The following COBLL1 variants were observed in gnomAD, a reference collection of about 807,000 sequenced individuals.
COBLL1 encodes the protein cordon-bleu WH2 repeat protein like 1.
A neutral mutation model predicts 94.8 loss-of-function variants in COBLL1; 50 were observed. The observed-to-expected ratio is 0.53, with a 90% CI of 0.42 to 0.67. The LOEUF (loss-of-function observed/expected upper bound fraction) is 0.67, where lower values mean the gene tolerates loss of function less well. COBLL1 is among the 30% of genes least tolerant of loss of function. The probability of loss-of-function intolerance (pLI) is 0.00; values close to 1 mark genes in which losing one functional copy is unlikely to be tolerated. For synonymous variants in COBLL1, 448 were observed against 473.8 expected, an observed-to-expected ratio of 0.95 and a Z score of 0.71; for missense variants, 1,362 against 1,348.7, an observed-to-expected ratio of 1.01 and a Z score of -0.15.
chr2:164,771,906 T>A (rs1688223614), intron 2 of COBLL1: 1 of 151,428 alleles, frequency 6.6e-6, no homozygotes, highest in African/African-American at 2.4e-5. Flanking sequence ...CAATATTGAA[T>A]GTATAATGAG....
intron 2 of COBLL1, 83 bp from the exon 3 acceptor site, chr2:164,743,958 G>T (rs1686731046): frequency 1.0e-6 from 1 of 988,664 alleles, no homozygotes; most frequent in Non-Finnish European, 1.4e-6. Context: ...TTATAAATAT[G>T]ATCTAGTAGT....
At chr2:164,820,520 C>A (rs1312949930) in intron 2 of COBLL1, among the ~76,000 whole-genome samples, 1 of 152,186 alleles carries the variant, frequency 6.6e-6, no homozygotes, top group African/African-American at 2.4e-5. Flanking sequence ...CGCGCCAGGC[C>A]TGCTGTTAAT....
intron 9 of COBLL1, among the ~76,000 whole-genome samples, chr2:164,702,174 T>C (rs2105448586): frequency 6.6e-6 from 1 of 152,252 alleles, no homozygotes; most frequent in Middle Eastern, 3.4e-3. Context: ...CAAATGTACA[T>C]ATTTTGGCAA....
chr2:164,797,578 T>C (rs544515332), intron 2 of COBLL1, among the ~76,000 whole-genome samples: 2 of 152,172 alleles, frequency 1.3e-5, no homozygotes, highest in Non-Finnish European at 2.9e-5. Context: ...AGTCTAGGCT[T>C]TTTCAATTCC....
intron 11 of COBLL1, 63 bp downstream of exon 11, chr2:164,699,342 A>G: frequency 9.6e-7 from 1 of 1,044,268 alleles, no homozygotes; most frequent in Non-Finnish European, 1.5e-6. Context: ...ATAAAGTGTT[A>G]AGAACTGTCC....
intron 2 of COBLL1, among the ~76,000 whole-genome samples, chr2:164,838,956 G>A (rs992182789): frequency 4.6e-5 from 7 of 152,118 alleles, no homozygotes; most frequent in African/African-American, 1.4e-4. Context: ...GGGTTTTTGA[G>A]AGAGAAGAGA....
intron 2 of COBLL1, among the ~76,000 whole-genome samples, chr2:164,810,753 C>T (rs969248922): frequency 1.3e-5 from 2 of 151,444 alleles, no homozygotes; most frequent in African/African-American, 4.8e-5. Context: ...CTATCCAAAA[C>T]AAAAGTTACT....
At chr2:164,820,501 A>C (rs556098266) in intron 2 of COBLL1, among the ~76,000 whole-genome samples, 1 of 152,292 alleles carries the variant, frequency 6.6e-6, no homozygotes, top group African/African-American at 2.4e-5. Flanking sequence ...GATTACAGGC[A>C]TGAGTCACCG....
intron 2 of COBLL1, among the ~76,000 whole-genome samples, chr2:164,827,607 A>T (rs1004200860): frequency 6.6e-6 from 1 of 152,212 alleles, no homozygotes; most frequent in African/African-American, 2.4e-5. Context: ...ACATCAAAAG[A>T]CTAATGTCCT....
At chr2:164,839,959 T>C in intron 2 of COBLL1, among the ~76,000 whole-genome samples, 1 of 152,232 alleles carries the variant, frequency 6.6e-6, no homozygotes, top group South Asian at 2.1e-4. Flanking sequence ...ACTACATGTT[T>C]CCTCTATGTA....
intron 1 of COBLL1, among the ~76,000 whole-genome samples, chr2:164,666,600 C>A (rs1691162915): frequency 6.6e-6 from 1 of 152,196 alleles, no homozygotes; most frequent in African/African-American, 2.4e-5. Context: ...TAACATTTTA[C>A]CCACAGTAGG....
At chr2:164,761,295 C>T (rs1179628259) in intron 2 of COBLL1, 1 of 152,238 alleles carries the variant, frequency 6.6e-6, no homozygotes, top group African/African-American at 2.4e-5. Context: ...GTAATACTAG[C>T]TACTCGGGAG....
intron 2 of COBLL1, among the ~76,000 whole-genome samples, chr2:164,768,074 G>A (rs1688021361): frequency 2.6e-5 from 4 of 152,090 alleles, no homozygotes; most frequent in Admixed American, 6.5e-5. Context: ...CAGGTCACTA[G>A]ATGCAGGATT....
chr2:164,698,462 C>T (rs1004501111), intron 11 of COBLL1, among the ~76,000 whole-genome samples: 1 of 151,014 alleles, frequency 6.6e-6, no homozygotes, highest in Non-Finnish European at 1.5e-5. Flanking sequence ...AATACTACAT[C>T]CTAAGTTTTC....
chr2:164,743,099 A>G (rs1686683884), intron 3 of COBLL1: 1 of 152,162 alleles, frequency 6.6e-6, no homozygotes, highest in Non-Finnish European at 1.5e-5. Flanking sequence ...TTGCTGGGAT[A>G]AAGTTTGATT....
At chr2:164,767,297 G>A (rs1027696399) in intron 2 of COBLL1, among the ~76,000 whole-genome samples, 1 of 152,124 alleles carries the variant, frequency 6.6e-6, no homozygotes, top group African/African-American at 2.4e-5. Context: ...CATATAGTTA[G>A]AAGAGACACT....
chr2:164,710,080 G>A (rs939459556), intron 7 of COBLL1, among the ~76,000 whole-genome samples: 1 of 152,060 alleles, frequency 6.6e-6, no homozygotes, highest in Non-Finnish European at 1.5e-5. Flanking sequence ...GAGGTTTTAT[G>A]AAGACTCTTG....
intron 2 of COBLL1, among the ~76,000 whole-genome samples, chr2:164,809,141 T>A (rs981666949): frequency 4.6e-5 from 7 of 152,094 alleles, no homozygotes; most frequent in African/African-American, 1.4e-4. Context: ...TAGGTATGAA[T>A]AAGATTTATA....
At position 164,694,637 on chromosome 2, in the gene COBLL1, A is replaced by C. The variant is rs1425323839; in HGVS notation, c.2755T>G (p.Leu919Val). The change falls in exon 12 of 14, where the codon TTA becomes GTA. Residue 919 changes from leucine (L) to valine (V), a missense_variant. Physicochemically the swap from Leu to Val is conservative, Grantham distance 32. Transcript: ENST00000652658. ...LPSPEQTLSP[L>V]SKMPHSVPQP... The stretch of plus-strand genomic sequence containing the variant: ...GGAACAGAGTGAGGCATTTTACTTA[A>C]GGGAGAAAGAGTCTGCTCCGGAGAA... The C allele has an allele frequency of 6.2e-7, 1 of 1,613,894 alleles. No homozygotes were observed. The highest frequency in any genetic ancestry group is 8.5e-7 in the Non-Finnish European group (1 of 1,179,952).
Sources: gnomAD v4.1 joint callset for allele counts (sites outside exome capture counted in the v4.1 genomes callset) on GRCh38, gnomAD v4.1.1 for gene constraint, MANE v1.5 for transcripts, NCBI Gene and HGNC (gene_info 2026-07-23, HGNC 2026-07-21) for gene names.